PCDHGA4: variants seen among roughly 807,000 people sequenced by gnomAD.
PCDHGA4 encodes the protein protocadherin gamma subfamily A, 4.
Under a neutral mutation model 54.6 loss-of-function variants are expected in PCDHGA4, and 38 were observed. The ratio of observed to expected loss-of-function variants is 0.70; its 90% CI spans 0.54 to 0.91. The LOEUF (loss-of-function observed/expected upper bound fraction) is 0.91. PCDHGA4 is among the 40% of genes least tolerant of loss of function. PCDHGA4 has a pLI of 0.00. For synonymous variants in PCDHGA4, 511 were observed against 512.9 expected (o/e 1.00, Z 0.05); for missense variants, 1,298 against 1,220.9 (o/e 1.06, Z -0.94).
At chr5:141,442,472 C>A (rs1032989256) in intron 1 of PCDHGA4, 4 of 152,204 alleles carry the variant, frequency 2.6e-5, no homozygotes, top group African/African-American at 9.7e-5. Flanking sequence ...GCAGAAAGCC[C>A]CTTGGGGAAG....
intron 1 of PCDHGA4, among the ~76,000 whole-genome samples, chr5:141,492,336 A>G (rs1353947767): frequency 1.3e-5 from 2 of 152,072 alleles, no homozygotes; most frequent in East Asian, 3.9e-4. Context: ...TTACGCGAAT[A>G]CCAGCTTTCA....
chr5:141,400,229 T>C lies in PCDHGA4; in HGVS notation c.2514+42608T>C, dbSNP rs370433551. ...GCCTTGATCTCAGTGCTCTTCCTCCTGGCCGTGATTCTGGCCGTTGCCTTG... is the reference window on the plus strand; with the variant it reads ...GCCTTGATCTCAGTGCTCTTCCTCCCGGCCGTGATTCTGGCCGTTGCCTTG... On this transcript the variant is annotated intron_variant, in intron 1 of 3. Transcript: ENST00000571252. 3.1e-6 allele frequency: 5 copies of C among 1,613,872 alleles called. No individual in the cohort carries two copies. In the African/African-American group the frequency reaches 4.0e-5, roughly 13 times the overall value.
chr5:141,376,859 T>C, intron 1 of PCDHGA4: 1 of 231,414 alleles, frequency 4.3e-6, no homozygotes, highest in South Asian at 6.4e-5. Context: ...GCTAATTTTT[T>C]TGTATTTTTA....
At chr5:141,392,852 G>A in intron 1 of PCDHGA4, 3 of 1,611,984 alleles carry the variant, frequency 1.9e-6, no homozygotes, top group Non-Finnish European at 2.5e-6. Context: ...GCGGCGAGCT[G>A]ATCCTGCTGT....
At chr5:141,451,365 G>A (rs557753113) in intron 1 of PCDHGA4, among the ~76,000 whole-genome samples, 2 of 152,234 alleles carry the variant, frequency 1.3e-5, no homozygotes, top group South Asian at 4.1e-4. Context: ...GGATGGATCC[G>A]CTTCTAATCT....
intron 1 of PCDHGA4, among the ~76,000 whole-genome samples, chr5:141,402,671 G>A (rs1016182752): frequency 2.0e-5 from 3 of 152,140 alleles, no homozygotes; most frequent in Admixed American, 2.0e-4. Flanking sequence ...TTCTTTATCA[G>A]CCATCTGATA....
In PCDHGA4 at chr5:141,399,498, A is replaced by G. The variant is rs539360572; in HGVS notation, c.2514+41877A>G. The G allele has an allele frequency of 1.4e-5, 22 of 1,614,002 alleles. No individual in the cohort carries two copies. The African/African-American group carries it at 2.5e-4, about 19-fold the overall frequency. On this transcript the variant is annotated intron_variant, in intron 1 of 3. Coordinates refer to ENST00000571252, the MANE Select transcript of PCDHGA4 (RefSeq NM_018917.4). Reference sequence around the variant, plus strand: ...ACCAGGCGTCCTACTTAGTCAGTGTACCCGAAAACAACCCTCCTGGGGCCT... The same window carrying G: ...ACCAGGCGTCCTACTTAGTCAGTGTGCCCGAAAACAACCCTCCTGGGGCCT...
At chr5:141,373,411 T>C (rs1045675973) in intron 1 of PCDHGA4, among the ~76,000 whole-genome samples, 3 of 152,242 alleles carry the variant, frequency 2.0e-5, no homozygotes, top group Non-Finnish European at 2.9e-5. Flanking sequence ...TAGTCCCAGC[T>C]ACTCGGGAGG....
intron 1 of PCDHGA4, among the ~76,000 whole-genome samples, chr5:141,382,462 T>A (rs1481999551): frequency 6.6e-6 from 1 of 152,240 alleles, no homozygotes; most frequent in Admixed American, 6.5e-5. Context: ...AGCAGTTTTT[T>A]AAAAATTATC....
intron 1 of PCDHGA4, among the ~76,000 whole-genome samples, chr5:141,448,809 A>G (rs998129053): frequency 9.2e-5 from 14 of 151,812 alleles, no homozygotes; most frequent in Non-Finnish European, 1.8e-4. Flanking sequence ...GCCAGGCGTG[A>G]TGGCGGGCGC....
intron 1 of PCDHGA4, chr5:141,428,516 G>A (rs763205471): frequency 3.6e-6 from 1 of 281,256 alleles, no homozygotes; most frequent in Non-Finnish European, 7.0e-6. Context: ...TCTAGAAAAA[G>A]AAGATTTAAT....
intron 1 of PCDHGA4, chr5:141,371,190 GC>G: frequency 6.2e-7 from 1 of 1,613,982 alleles, no homozygotes; most frequent in Non-Finnish European, 8.5e-7. Flanking sequence ...AAAAGTGATG[GC>G]CATTGACATG....
At chr5:141,446,079 A>T (rs2098487021) in intron 1 of PCDHGA4, among the ~76,000 whole-genome samples, 1 of 152,234 alleles carries the variant, frequency 6.6e-6, no homozygotes, top group Non-Finnish European at 1.5e-5. Context: ...CAGTGGATGT[A>T]GAAATAAATG....
At chr5:141,428,362 G>T (rs868168419) in intron 1 of PCDHGA4, 2 of 556,756 alleles carry the variant, frequency 3.6e-6, no homozygotes, top group Non-Finnish European at 6.6e-6. Context: ...TTTGGCGGTC[G>T]CCTTGCACCT....
chr5:141,423,544 C>G, intron 1 of PCDHGA4: 1 of 1,613,744 alleles, frequency 6.2e-7, no homozygotes, highest in African/African-American at 1.3e-5. Flanking sequence ...GATTTTCCCC[C>G]AGCCCAACTA....
rs1203945578 is a variant in PCDHGA4 at position 141,512,055 on chromosome 5, T to G, written c.*882T>G. 6.5e-6 allele frequency: 1 copy of G among 152,698 alleles called. No homozygotes were observed. The highest frequency in any genetic ancestry group is 1.5e-5 in the Non-Finnish European group (1 of 68,092). 9.5% of individuals were successfully genotyped at this position (152,698 alleles called of 1,614,324 possible). The stretch of plus-strand genomic sequence containing the variant: ...GAGGCTCTGTATGTCCTCAGGGGAC[T>G]GACAACATCCTCCAGATTCCAGCCA... On this transcript the variant is annotated 3_prime_UTR_variant, in exon 4 of 4. Transcript: ENST00000571252.
intron 1 of PCDHGA4, chr5:141,417,666 G>C (rs1487166683): frequency 3.1e-5 from 28 of 917,486 alleles, no homozygotes; most frequent in Non-Finnish European, 4.2e-5. Context: ...GGGATTCCCT[G>C]CGCAGCCAAC....
chr5:141,382,838 A>G, intron 1 of PCDHGA4: 2 of 1,445,878 alleles, frequency 1.4e-6, no homozygotes, highest in Non-Finnish European at 1.9e-6. Context: ...GTCCACCCGG[A>G]TACACCCGCA....
intron 1 of PCDHGA4, chr5:141,400,157 C>G (rs778405500): frequency 3.7e-6 from 6 of 1,614,050 alleles, no homozygotes; most frequent in African/African-American, 1.3e-5. Context: ...CGCCCTGTAC[C>G]CTCTGACCCC....
Sources: gnomAD v4.1 joint callset for allele counts (sites outside exome capture counted in the v4.1 genomes callset) on GRCh38, gnomAD v4.1.1 for gene constraint, MANE v1.5 for transcripts, NCBI Gene and HGNC (gene_info 2026-07-23, HGNC 2026-07-21) for gene names.